Variants in PNLIPRP3 observed in about 807,000 individuals in gnomAD.
PNLIPRP3 encodes the protein pancreatic lipase-related protein 3.
In PNLIPRP3, 58 loss-of-function variants were observed where a neutral mutation model predicts 52.8. The ratio of observed to expected loss-of-function variants is 1.10; its 90% confidence interval spans 0.89 to 1.37. The LOEUF is 1.37. Ranked by LOEUF, PNLIPRP3 falls within the 40% of genes most tolerant of loss-of-function variation. The probability of loss-of-function intolerance (pLI) is 0.00; values close to 1 mark genes in which losing one functional copy is unlikely to be tolerated. For synonymous variants in PNLIPRP3, 192 were observed against 185.0 expected, an observed-to-expected ratio of 1.04 and a Z score of -0.31; for missense variants, 593 against 561.6, an observed-to-expected ratio of 1.06 and a Z score of -0.57.
intron 3 of PNLIPRP3, 59 bp from the exon 4 acceptor site, chr10:116,444,323 G>C: frequency 7.1e-7 from 1 of 1,413,246 alleles, no homozygotes; most frequent in Non-Finnish European, 9.6e-7. Flanking sequence ...CAAGTGTTGA[G>C]ACACGTCGGT....
At chr10:116,431,570 T>C (rs1845710226) in intron 1 of PNLIPRP3, among the ~76,000 whole-genome samples, 1 of 152,144 alleles carries the variant, frequency 6.6e-6, no homozygotes. Flanking sequence ...TGTAGTAAAA[T>C]ACATGACTAC....
chr10:116,454,574 C>T (rs563995632), intron 4 of PNLIPRP3, among the ~76,000 whole-genome samples: 1 of 152,336 alleles, frequency 6.6e-6, no homozygotes, highest in African/African-American at 2.4e-5. Context: ...TCTCCCTATT[C>T]ACCACACCCC....
At chr10:116,470,297 C>T (rs953748930) in intron 9 of PNLIPRP3, among the ~76,000 whole-genome samples, 5 of 151,916 alleles carry the variant, frequency 3.3e-5, no homozygotes, top group Non-Finnish European at 7.4e-5. Context: ...GTCACTCAGA[C>T]TGTAGTCAGT....
intron 8 of PNLIPRP3, among the ~76,000 whole-genome samples, chr10:116,467,223 T>C (rs1348664308): frequency 1.3e-5 from 2 of 152,188 alleles, no homozygotes; most frequent in Non-Finnish European, 2.9e-5. Flanking sequence ...TGTACCCTAA[T>C]AGTCATACAA....
At position 116,438,728 on chromosome 10, in the gene PNLIPRP3, G is replaced by T. The variant is rs149343854; in HGVS notation, c.204+1863G>T. On this transcript the variant is annotated intron_variant, in intron 2 of 11. Transcript: ENST00000369230. The stretch of plus-strand genomic sequence containing the variant: ...AATCAAGGTATGTACTTAAAACAAG[G>T]ATTTCCACAGGCCTGACCCATATGT... 8.1e-3 allele frequency among the ~76,000 whole-genome samples: 1,239 copies of T among 152,222 alleles called. 16 individuals carry two copies. Among genetic ancestry groups the T allele is most frequent in the African/African-American group, 0.026 (1,076 of 41,510 alleles).
chr10:116,452,498 A>C (rs1846053847), intron 4 of PNLIPRP3, among the ~76,000 whole-genome samples: 1 of 152,208 alleles, frequency 6.6e-6, no homozygotes, highest in Non-Finnish European at 1.5e-5. Context: ...AAGGCCTGAA[A>C]GGCATTTCAG....
chr10:116,450,619 G>A (rs974357018), intron 4 of PNLIPRP3, among the ~76,000 whole-genome samples: 1 of 151,918 alleles, frequency 6.6e-6, no homozygotes, highest in Non-Finnish European at 1.5e-5. Flanking sequence ...GAAATAAAAA[G>A]GAGACATGAC....
intron 4 of PNLIPRP3, among the ~76,000 whole-genome samples, chr10:116,450,261 T>C (rs1446253201): frequency 1.3e-5 from 2 of 152,178 alleles, no homozygotes; most frequent in Non-Finnish European, 2.9e-5. Context: ...GTAAACTTTC[T>C]TAAAACATTA....
chr10:116,476,414 T>C (rs528118298), intron 10 of PNLIPRP3, among the ~76,000 whole-genome samples: 6 of 152,302 alleles, frequency 3.9e-5, no homozygotes, highest in African/African-American at 1.4e-4. Context: ...ATAATGCCTC[T>C]CTAGGTATTC....
At chr10:116,469,518 A>AAT (rs1846333318) in intron 9 of PNLIPRP3, among the ~76,000 whole-genome samples, 1 of 152,224 alleles carries the variant, frequency 6.6e-6, no homozygotes, top group Admixed American at 6.5e-5. Context: ...AATCCTGCGT[A>AAT]ATAAACTTTC....
At position 116,477,075 on chromosome 10, in the gene PNLIPRP3, CT is replaced by C. The variant is rs766055418; in HGVS notation, c.1341-13del. ...CAGGTTAAAATTCCTTTTTTTTTTC[CT>C]TAAAAACTTTCAGATCTACCTTCTG... is the stretch of plus-strand genomic sequence containing the variant. On this transcript the variant is annotated splice_polypyrimidine_tract_variant and intron_variant, in intron 11 of 11. Transcript: ENST00000369230. The C allele has an allele frequency of 1.9e-6, 3 of 1,555,294 alleles. No homozygotes were observed. In the East Asian group the frequency reaches 6.8e-5, roughly 35 times the overall value.
Position 116,469,111 on chromosome 10 carries a change from T to C in PNLIPRP3, c.928-74T>C, listed in dbSNP as rs1271531646. On this transcript the variant is annotated intron_variant, in intron 8 of 11. Coordinates refer to ENST00000369230, the MANE Select transcript of PNLIPRP3 (RefSeq NM_001011709.3). ...ATCCTGGAGATTTATTATTATTTAA[T>C]AATATATAGCGAGTTTATTGAAGGA... 4 of 1,323,268 alleles carry C rather than the reference T, an allele frequency of 3.0e-6. No individual in the cohort carries two copies. In the East Asian group the frequency reaches 7.8e-5, roughly 26 times the overall value. The allele number at this position is 1,323,268 out of a possible 1,614,324, so 82.0% of individuals were successfully genotyped here. A position where few individuals can be genotyped will look rare whatever the true frequency, so the allele number is the denominator to read the frequency against.
chr10:116,457,459 G>A (rs1846132424), intron 5 of PNLIPRP3, among the ~76,000 whole-genome samples: 1 of 151,856 alleles, frequency 6.6e-6, no homozygotes, highest in South Asian at 2.1e-4. Flanking sequence ...GTCCAAATTG[G>A]GATTATTTTG....
chr10:116,471,474 A>G (rs1013537083), intron 9 of PNLIPRP3, among the ~76,000 whole-genome samples: 3 of 152,224 alleles, frequency 2.0e-5, no homozygotes, highest in African/African-American at 7.2e-5. Context: ...AAGAAGACAC[A>G]GGACTTCCAT....
At chr10:116,450,559 C>A (rs117732362) in intron 4 of PNLIPRP3, among the ~76,000 whole-genome samples, 2 of 151,792 alleles carry the variant, frequency 1.3e-5, no homozygotes, top group African/African-American at 2.4e-5. Flanking sequence ...CATTTACAAA[C>A]CTTTAGCTAG....
At chr10:116,465,394 GC>G (rs1002256485) in intron 7 of PNLIPRP3, among the ~76,000 whole-genome samples, 10 of 151,958 alleles carry the variant, frequency 6.6e-5, no homozygotes, top group Admixed American at 6.6e-4. Context: ...AAATTAGCCG[GC>G]GTGGTGGTGG....
chr10:116,441,466 G>A (rs1156844708), intron 2 of PNLIPRP3, among the ~76,000 whole-genome samples: 2 of 152,144 alleles, frequency 1.3e-5, no homozygotes, highest in Admixed American at 1.3e-4. Flanking sequence ...GGTGTTTGAG[G>A]CGCTCCAGCT....
At chr10:116,476,937 C>T in intron 11 of PNLIPRP3, 118 bp downstream of exon 11, 2 of 1,257,414 alleles carry the variant, frequency 1.6e-6, no homozygotes, top group Non-Finnish European at 1.1e-6. Context: ...TGAAATTTTG[C>T]AATTAAAGAA....
At chr10:116,462,163 AC>A (rs1260371594) in intron 7 of PNLIPRP3, among the ~76,000 whole-genome samples, 5 of 152,250 alleles carry the variant, frequency 3.3e-5, no homozygotes, top group Non-Finnish European at 7.4e-5. Flanking sequence ...GTAGTATTTA[AC>A]TTTTTATAGT....
Sources: gnomAD v4.1 joint callset for allele counts (sites outside exome capture counted in the v4.1 genomes callset) on GRCh38, gnomAD v4.1.1 for gene constraint, MANE v1.5 for transcripts, NCBI Gene and HGNC (gene_info 2026-07-23, HGNC 2026-07-21) for gene names.